TCF12: variants seen among roughly 807,000 people sequenced by gnomAD.
TCF12 encodes transcription factor 12.
TCF12 carries 45 observed loss-of-function variants against 86.0 expected under a neutral mutation model. The ratio of observed to expected loss-of-function variants is 0.52; its 90% CI spans 0.41 to 0.67. The LOEUF (loss-of-function observed/expected upper bound fraction) is 0.67, where lower values mean the gene tolerates loss of function less well. TCF12 is among the 30% of genes least tolerant of loss of function. The pLI, the probability that TCF12 is intolerant of heterozygous loss-of-function variation, is 0.00. For synonymous variants in TCF12, 330 were observed against 299.6 expected (o/e 1.10, Z -1.05); for missense variants, 881 against 859.9 (o/e 1.02, Z -0.31).
intron 12 of TCF12, among the ~76,000 whole-genome samples, chr15:57,234,694 T>G (rs1293650957): frequency 6.6e-6 from 1 of 152,238 alleles, no homozygotes; most frequent in Non-Finnish European, 1.5e-5. Flanking sequence ...TGATTATATT[T>G]TAATATCTGA....
At chr15:56,969,802 A>C (rs548196862) in intron 3 of TCF12, among the ~76,000 whole-genome samples, 1 of 152,144 alleles carries the variant, frequency 6.6e-6, no homozygotes, top group Non-Finnish European at 1.5e-5. Context: ...AGATAATGCA[A>C]ATTTAATCTG....
rs1820708438 is a variant in TCF12 at position 57,289,176 on chromosome 15, TG to T, written c.*3032del. The T allele has an allele frequency of 1.3e-5, 2 of 152,256 alleles. No homozygotes were observed. Among genetic ancestry groups the T allele is most frequent in the South Asian group, 4.1e-4 (2 of 4,834 alleles). 9.4% of individuals were successfully genotyped at this position (152,256 alleles called of 1,614,324 possible). Reference sequence around the variant, plus strand: ...GCAGATTGCTTCTCTTGGTGAATTATGAAATCCACTGTTCACATTGGGTGCC... The same window carrying T: ...GCAGATTGCTTCTCTTGGTGAATTATAAATCCACTGTTCACATTGGGTGCC... On this transcript the variant is annotated 3_prime_UTR_variant, in exon 21 of 21. Transcript: ENST00000333725.
intron 11 of TCF12, 41 bp from the exon 12 acceptor site, chr15:57,234,002 G>A (rs764523842): frequency 6.5e-7 from 1 of 1,542,414 alleles, no homozygotes; most frequent in Non-Finnish European, 9.0e-7. Context: ...TATAATACTT[G>A]CTTGTAAAAT....
intron 5 of TCF12, among the ~76,000 whole-genome samples, chr15:57,098,370 T>C (rs1206508733): frequency 6.6e-6 from 1 of 152,210 alleles, no homozygotes; most frequent in African/African-American, 2.4e-5. Context: ...TGTTCTTTCT[T>C]TCACTATTGC....
At chr15:56,987,683 T>C (rs2063262416) in intron 3 of TCF12, among the ~76,000 whole-genome samples, 1 of 152,230 alleles carries the variant, frequency 6.6e-6, no homozygotes, top group Non-Finnish European at 1.5e-5. Context: ...GATTAAATTG[T>C]TTACCAATTA....
At chr15:56,943,584 C>T (rs181847452) in intron 3 of TCF12, among the ~76,000 whole-genome samples, 249 of 152,232 alleles carry the variant, frequency 1.6e-3, no homozygotes, top group African/African-American at 5.8e-3. Context: ...GAAAAGGAAA[C>T]AGGCTTCAGG....
chr15:57,006,435 G>A (rs2064378758), intron 3 of TCF12, among the ~76,000 whole-genome samples: 1 of 151,926 alleles, frequency 6.6e-6, no homozygotes, highest in Admixed American at 6.6e-5. Context: ...CTCCCGAGTA[G>A]CTGGGATTAC....
At position 57,153,075 on chromosome 15, in the gene TCF12, G is replaced by T. The variant is rs1377973019; in HGVS notation, c.326-13327G>T. Among the ~76,000 whole-genome samples, 3 of 152,078 alleles carry T rather than the reference G, an allele frequency of 2.0e-5. No homozygotes were observed. The East Asian group carries it at 5.8e-4, about 29-fold the overall frequency. On this transcript the variant is annotated intron_variant, in intron 5 of 20. Transcript: ENST00000333725. ...CAATTTTTAAAACTGTGTCAACCCG[G>T]AATTATTTATCTGTTGAAAATATTT...
chr15:57,100,843 A>T lies in TCF12; in HGVS notation c.325+8952A>T, dbSNP rs186632313. Reference sequence around the variant, plus strand: ...TAATTAGCCATCAAAATAATTTTTTAAAAAAATTTGAAAGCATATACTGAA... The same window carrying T: ...TAATTAGCCATCAAAATAATTTTTTTAAAAAATTTGAAAGCATATACTGAA... On this transcript the variant is annotated intron_variant, in intron 5 of 20. Transcript: ENST00000333725. Among the ~76,000 whole-genome samples the T allele has an allele frequency of 1.9e-3, 282 of 152,242 alleles. 2 individuals are homozygous for T. The highest frequency in any genetic ancestry group is 6.8e-3 in the Middle Eastern group (2 of 294).
At chr15:57,252,311 G>A (rs141002124) in intron 14 of TCF12, 110 bp from the exon 15 acceptor site, 13 of 749,428 alleles carry the variant, frequency 1.7e-5, no homozygotes, top group Admixed American at 2.4e-5. Flanking sequence ...AAGTCTTGGC[G>A]TTAACTTTAC....
At chr15:57,268,456 A>G (rs1321657273) in intron 18 of TCF12, among the ~76,000 whole-genome samples, 4 of 152,124 alleles carry the variant, frequency 2.6e-5, no homozygotes. Context: ...AGTGCAGTGG[A>G]CAATAACCTC....
chr15:57,104,996 C>T (rs2050046085), intron 5 of TCF12, among the ~76,000 whole-genome samples: 1 of 151,114 alleles, frequency 6.6e-6, no homozygotes, highest in Non-Finnish European at 1.5e-5. Context: ...GCCTCAGCCT[C>T]CCAAGTAGCT....
chr15:57,109,517 G>A (rs558352248), intron 5 of TCF12, among the ~76,000 whole-genome samples: 184 of 152,128 alleles, frequency 1.2e-3, no homozygotes, highest in African/African-American at 4.2e-3. Flanking sequence ...ATGAGTATTC[G>A]AATTTCTATT....
At chr15:57,124,838 C>T (rs534584191) in intron 5 of TCF12, among the ~76,000 whole-genome samples, 28 of 151,742 alleles carry the variant, frequency 1.8e-4, no homozygotes, top group Admixed American at 9.9e-4. Flanking sequence ...CCACCATGCC[C>T]GGCTAACTTT....
At chr15:57,012,087 TAGG>T (rs1468612303) in intron 3 of TCF12, among the ~76,000 whole-genome samples, 13 of 152,184 alleles carry the variant, frequency 8.5e-5, no homozygotes, top group Non-Finnish European at 1.9e-4. Context: ...GGGATCTTAA[TAGG>T]AGAGTATCTT....
In TCF12 at chr15:57,007,755, C is replaced by CTTTCT. The variant is rs774505040; in HGVS notation, c.149-55993_149-55992insTCTTT. On this transcript the variant is annotated intron_variant, in intron 3 of 20. Transcript: ENST00000333725. ...GAAAATGATGTAACAAATATTTTTC[C>CTTTCT]TTCTTTCTTTCTTTCTTTCTTTCTT... is the stretch of plus-strand genomic sequence containing the variant. 3.8e-3 allele frequency among the ~76,000 whole-genome samples: 316 copies of CTTTCT among 83,976 alleles called. 3 individuals are homozygous for CTTTCT. Among genetic ancestry groups the CTTTCT allele is most frequent in the Non-Finnish European group, 6.5e-3 (246 of 38,026 alleles). 55.1% of individuals were successfully genotyped at this position (83,976 alleles called of 152,430 possible).
At chr15:57,051,345 A>G (rs2067600223) in intron 3 of TCF12, among the ~76,000 whole-genome samples, 1 of 152,186 alleles carries the variant, frequency 6.6e-6, no homozygotes, top group Non-Finnish European at 1.5e-5. Flanking sequence ...GAGGTCATAA[A>G]GATTGGAGGG....
chr15:57,201,408 C>G (rs561680796), intron 8 of TCF12, among the ~76,000 whole-genome samples: 12 of 152,220 alleles, frequency 7.9e-5, no homozygotes, highest in African/African-American at 2.9e-4. Context: ...AGATGCGTAG[C>G]AGCTCATCTG....
intron 11 of TCF12, 132 bp downstream of exon 11, chr15:57,232,988 T>C (rs1848456841): frequency 1.9e-6 from 1 of 521,156 alleles, no homozygotes; most frequent in East Asian, 6.2e-5. Context: ...TATATGTATA[T>C]GTGTGTTATA....
Sources: allele counts gnomAD v4.1 joint callset (sites outside exome capture counted in the v4.1 genomes callset), GRCh38; gene constraint gnomAD v4.1.1; transcripts MANE v1.5; gene names NCBI Gene and HGNC (gene_info 2026-07-23, HGNC 2026-07-21).